CCDC77: variants seen among roughly 807,000 people sequenced by gnomAD.
CCDC77 encodes the protein coiled-coil domain containing 77.
CCDC77 carries 56 observed loss-of-function variants against 66.8 expected under a neutral mutation model. That is an observed-to-expected ratio of 0.84 (90% CI 0.68 to 1.05). CCDC77 has a LOEUF of 1.05. CCDC77 is among the 50% of genes least tolerant of loss of function. The pLI is 0.00. For synonymous variants in CCDC77, 196 were observed against 195.2 expected, an observed-to-expected ratio of 1.00 and a Z score of -0.03; for missense variants, 570 against 576.8, an observed-to-expected ratio of 0.99 and a Z score of 0.12.
At chr12:401,019 A>G (rs1247013629), upstream of CCDC77, among the ~76,000 whole-genome samples, 2 of 152,202 alleles carry the variant, frequency 1.3e-5, no homozygotes, top group Non-Finnish European at 2.9e-5. Flanking sequence ...CTGAGACGAA[A>G]GTGCTTTTCC....
At chr12:437,801 G>A (rs908538917) in intron 9 of CCDC77, among the ~76,000 whole-genome samples, 48 of 145,666 alleles carry the variant, frequency 3.3e-4, no homozygotes, top group African/African-American at 1.2e-3. Context: ...AGCTGTGATC[G>A]TGCCTCTGCA....
At position 409,398 on chromosome 12, in the gene CCDC77, A is replaced by G; in HGVS notation, c.15A>G (p.Pro5=). The G allele has an allele frequency of 6.2e-7, 1 of 1,613,444 alleles. No individual in the cohort carries two copies. The highest frequency in any genetic ancestry group is 8.5e-7 in the Non-Finnish European group (1 of 1,179,884). ...AAAAAGACAGCATGAACTTTACCCC[A>G]ACACACACCCCTGTCTGCAGAAAGT... The part of the protein sequence containing the change: MNFT[P]THTPVCRKRT... Residue 5 remains proline, a synonymous_variant, in exon 3 of 13, where the codon CCA becomes CCG. Transcript: ENST00000239830.
At position 405,558 on chromosome 12, in the gene CCDC77, GA is replaced by G. The variant is rs1944975959; in HGVS notation, c.-21del. On this transcript the variant is annotated 5_prime_UTR_variant, in exon 2 of 13. Coordinates refer to ENST00000239830, the MANE Select transcript of CCDC77 (RefSeq NM_032358.4). ...TGACCCAATTTGGAGACGTATTTTG[GA>G]AGGAGGTGAGTTTGGAGGAGGAGAG... The G allele has an allele frequency of 6.6e-6, 1 of 152,146 alleles. No homozygotes were observed. Among genetic ancestry groups the G allele is most frequent in the South Asian group, 2.1e-4 (1 of 4,824 alleles). The allele number at this position is 152,146 out of a possible 1,614,324, so 9.4% of individuals were successfully genotyped here.
intron 9 of CCDC77, 85 bp downstream of exon 9, chr12:433,407 C>T (rs1945687705): frequency 3.9e-6 from 6 of 1,548,062 alleles, no homozygotes; most frequent in African/African-American, 2.8e-5. Context: ...TGAACAACAG[C>T]GGGTCATAGA....
intron 4 of CCDC77, among the ~76,000 whole-genome samples, chr12:412,567 C>T (rs574214917): frequency 1.4e-4 from 21 of 152,314 alleles, no homozygotes; most frequent in African/African-American, 4.6e-4. Context: ...GGCCTCTACC[C>T]GCTGGATGCC....
At chr12:432,163 C>G (rs1945664168) in intron 8 of CCDC77, among the ~76,000 whole-genome samples, 1 of 152,196 alleles carries the variant, frequency 6.6e-6, no homozygotes, top group African/African-American at 2.4e-5. Flanking sequence ...TAAGGTGCTA[C>G]TCTGAACCTT....
chr12:436,621 A>C (rs1428792032), intron 9 of CCDC77: 1 of 223,710 alleles, frequency 4.5e-6, no homozygotes, highest in Non-Finnish European at 7.5e-6. Flanking sequence ...TAAGTATAGC[A>C]TCTTGACATT....
intron 1 of CCDC77, among the ~76,000 whole-genome samples, chr12:403,824 G>A (rs1033855398): frequency 2.0e-5 from 3 of 152,180 alleles, no homozygotes; most frequent in Admixed American, 6.5e-5. Flanking sequence ...AGGGTCTTGC[G>A]CTGTTGTCCA....
upstream of CCDC77, among the ~76,000 whole-genome samples, chr12:399,503 A>G (rs929819482): frequency 1.3e-5 from 2 of 152,372 alleles, no homozygotes; most frequent in South Asian, 2.1e-4. Context: ...CTGAAAGTCA[A>G]AATGACTCCT....
chr12:406,412 C>T (rs749167535), intron 2 of CCDC77, among the ~76,000 whole-genome samples: 14 of 152,202 alleles, frequency 9.2e-5, no homozygotes, highest in Non-Finnish European at 7.4e-5. Flanking sequence ...GTGCCTGGCA[C>T]GTTTGAAGAA....
At chr12:395,945 G>T (rs537319300) in intron 1 of CCDC77, among the ~76,000 whole-genome samples, 1 of 152,066 alleles carries the variant, frequency 6.6e-6, no homozygotes, top group Admixed American at 6.6e-5. Context: ...ATCAAGTGCA[G>T]TGGCATGCAT....
At chr12:393,930 T>C (rs1190243133) in intron 1 of CCDC77, among the ~76,000 whole-genome samples, 1 of 152,212 alleles carries the variant, frequency 6.6e-6, no homozygotes, top group Non-Finnish European at 1.5e-5. Flanking sequence ...ATACGGCTTT[T>C]CCTAATGTTG....
rs929157074 is a variant in CCDC77, at chr12:442,062, G to A, written c.*142G>A. 16 of 863,364 alleles carry A rather than the reference G, an allele frequency of 1.9e-5. No individual in the cohort carries two copies. The highest frequency in any genetic ancestry group is 6.8e-5 in the Admixed American group (3 of 44,066). The allele number at this position is 863,364 out of a possible 1,614,324, so 53.5% of individuals were successfully genotyped here. A position where few individuals can be genotyped will look rare whatever the true frequency, so the allele number is the denominator to read the frequency against. ...TATTGTAAAGACAGCTTGAAGAATC[G>A]GGGACCACTAGGAAAGCTTTTCTTG... On this transcript the variant is annotated 3_prime_UTR_variant, in exon 13 of 13. Transcript: ENST00000239830.
chr12:406,169 C>T (rs1360644399), intron 2 of CCDC77, among the ~76,000 whole-genome samples: 3 of 152,136 alleles, frequency 2.0e-5, no homozygotes, highest in Admixed American at 2.0e-4. Context: ...CTTGGCCTCC[C>T]AAAGTGCTGA....
At chr12:427,235 ACT>A (rs993889826) in intron 5 of CCDC77, among the ~76,000 whole-genome samples, 1 of 146,052 alleles carries the variant, frequency 6.8e-6, no homozygotes, top group African/African-American at 2.6e-5. Flanking sequence ...ACAGAGCGAG[ACT>A]CTGCCTCGGA....
chr12:414,721 A>G (rs1014567401), intron 4 of CCDC77, among the ~76,000 whole-genome samples: 2 of 152,050 alleles, frequency 1.3e-5, no homozygotes, highest in African/African-American at 4.8e-5. Flanking sequence ...ATCATTGCCT[A>G]CGGTTCTTCC....
rs1037148780 is a variant in CCDC77, at chr12:409,428, C to T, written c.38+7C>T. ...ACACCCCTGTCTGCAGAAAGTAAGA[C>T]ATTTGCTTATTTTCAAGTTGTTAAG... On this transcript the variant is annotated splice_region_variant and intron_variant, in intron 3 of 12. Coordinates refer to ENST00000239830, the MANE Select transcript of CCDC77 (RefSeq NM_032358.4). 3 of 1,611,902 alleles carry T rather than the reference C, an allele frequency of 1.9e-6. No individual in the cohort carries two copies. The highest frequency in any genetic ancestry group is 1.7e-5 in the Admixed American group (1 of 59,942).
rs1220928183 is a variant in CCDC77 at position 442,072 on chromosome 12, A to G, written c.*152A>G. ...ACAGCTTGAAGAATCGGGGACCACTAGGAAAGCTTTTCTTGCATACTCAGC... is the reference window on the plus strand; with the variant it reads ...ACAGCTTGAAGAATCGGGGACCACTGGGAAAGCTTTTCTTGCATACTCAGC... On this transcript the variant is annotated 3_prime_UTR_variant, in exon 13 of 13. Transcript: ENST00000239830. The G allele has an allele frequency of 1.2e-6, 1 of 805,132 alleles. No individual in the cohort carries two copies. Among genetic ancestry groups the G allele is most frequent in the African/African-American group, 1.7e-5 (1 of 58,160 alleles). The allele number at this position is 805,132 out of a possible 1,614,324, so 49.9% of individuals were successfully genotyped here.
chr12:399,413 G>A (rs375326825), upstream of CCDC77, among the ~76,000 whole-genome samples: 26 of 151,894 alleles, frequency 1.7e-4, no homozygotes, highest in African/African-American at 5.3e-4. Context: ...CTGGTGATCC[G>A]CCCACCTCAG....
Sources: gnomAD v4.1 joint callset for allele counts (sites outside exome capture counted in the v4.1 genomes callset) on GRCh38, gnomAD v4.1.1 for gene constraint, MANE v1.5 for transcripts, NCBI Gene and HGNC (gene_info 2026-07-23, HGNC 2026-07-21) for gene names.